Variants in IGF2BP3 observed in about 807,000 individuals in gnomAD.
The protein encoded by IGF2BP3 is insulin-like growth factor 2 mRNA-binding protein 3.
In IGF2BP3, 9 loss-of-function variants were observed where a neutral mutation model predicts 73.8. That is an observed-to-expected ratio of 0.12 (90% CI 0.07 to 0.21). IGF2BP3 has a LOEUF of 0.21. IGF2BP3 is among the 10% of genes least tolerant of loss of function. IGF2BP3 has a pLI of 1.00. For missense variants in IGF2BP3, 542 were observed against 714.0 expected, an observed-to-expected ratio of 0.76 and a Z score of 2.75; for synonymous variants, 258 against 256.7, an observed-to-expected ratio of 1.01 and a Z score of -0.05.
At chr7:23,399,372 T>TA (rs1476292908) in intron 3 of IGF2BP3, among the ~76,000 whole-genome samples, 1 of 149,034 alleles carries the variant, frequency 6.7e-6, no homozygotes, top group Non-Finnish European at 1.5e-5. Flanking sequence ...ACATGTACCC[T>TA]AAAACTTAAA....
intron 5 of IGF2BP3, among the ~76,000 whole-genome samples, chr7:23,355,653 C>T (rs1008991102): frequency 1.4e-4 from 21 of 152,026 alleles, no homozygotes; most frequent in African/African-American, 5.1e-4. Flanking sequence ...TTTACTGGGG[C>T]CAGGTGCAGT....
intron 10 of IGF2BP3, among the ~76,000 whole-genome samples, chr7:23,330,065 T>C (rs1024953308): frequency 6.6e-5 from 10 of 152,074 alleles, no homozygotes; most frequent in Admixed American, 5.2e-4. Flanking sequence ...GGTGGGCAGA[T>C]CACAAGGTCA....
intron 11 of IGF2BP3, 74 bp downstream of exon 11, chr7:23,319,064 A>T: frequency 1.0e-6 from 1 of 957,336 alleles, no homozygotes; most frequent in East Asian, 2.4e-5. Context: ...TATTCAAATT[A>T]TAAAGTGGCA....
At chr7:23,337,511 G>A (rs978252718) in intron 10 of IGF2BP3, among the ~76,000 whole-genome samples, 4 of 152,180 alleles carry the variant, frequency 2.6e-5, no homozygotes, top group Non-Finnish European at 5.9e-5. Context: ...TCCCCAACAT[G>A]TATTTTCCTT....
At chr7:23,450,684 T>G (rs1358243741) in intron 2 of IGF2BP3, 1 of 152,192 alleles carries the variant, frequency 6.6e-6, no homozygotes, top group Non-Finnish European at 1.5e-5. Context: ...TTAGAATTTG[T>G]CCAGCAGGTG....
chr7:23,312,567 GATAC>G, intron 14 of IGF2BP3, 107 bp from the exon 15 acceptor site: 1 of 952,672 alleles, frequency 1.0e-6, no homozygotes, highest in Non-Finnish European at 1.7e-6. Flanking sequence ...GATGATTAAA[GATAC>G]ATACTAGTCA....
intron 10 of IGF2BP3, among the ~76,000 whole-genome samples, chr7:23,324,540 A>G (rs1784240913): frequency 9.7e-6 from 1 of 102,732 alleles, no homozygotes; most frequent in Non-Finnish European, 1.9e-5. Context: ...CAATCAATAG[A>G]AAAAGAGGGA....
intron 2 of IGF2BP3, among the ~76,000 whole-genome samples, chr7:23,431,587 C>G (rs541592287): frequency 1.1e-4 from 17 of 150,296 alleles, no homozygotes; most frequent in Non-Finnish European, 2.4e-4. Flanking sequence ...CTTCCTGCAA[C>G]AGTTAAAAAG....
At chr7:23,336,272 C>T in intron 10 of IGF2BP3, among the ~76,000 whole-genome samples, 1 of 152,088 alleles carries the variant, frequency 6.6e-6, no homozygotes, top group Non-Finnish European at 1.5e-5. Flanking sequence ...AGCAGAAGTT[C>T]ACTGTTAACC....
chr7:23,331,985 G>GGA (rs1016971197), intron 10 of IGF2BP3, among the ~76,000 whole-genome samples: 25 of 151,818 alleles, frequency 1.6e-4, no homozygotes, highest in Non-Finnish European at 1.2e-4. Context: ...GCGGCAGGAG[G>GGA]GAGAGAGAGA....
chr7:23,360,562 T>C (rs1435239786), intron 5 of IGF2BP3, among the ~76,000 whole-genome samples: 1 of 152,234 alleles, frequency 6.6e-6, no homozygotes, highest in African/African-American at 2.4e-5. Flanking sequence ...GTGTTATTGA[T>C]TTTACAAATA....
intron 2 of IGF2BP3, among the ~76,000 whole-genome samples, chr7:23,450,886 A>T (rs980344640): frequency 6.6e-6 from 1 of 152,204 alleles, no homozygotes; most frequent in African/African-American, 2.4e-5. Flanking sequence ...ATTTAAATTT[A>T]AAAAGGAATT....
intron 2 of IGF2BP3, among the ~76,000 whole-genome samples, chr7:23,454,184 T>G (rs1350647820): frequency 6.6e-6 from 1 of 152,174 alleles, no homozygotes; most frequent in Non-Finnish European, 1.5e-5. Context: ...CTTCTCATCC[T>G]TCGTTCATTT....
At chr7:23,414,806 G>A (rs115685907) in intron 3 of IGF2BP3, 2,546 of 177,156 alleles carry the variant, frequency 0.014, 59 homozygotes, top group African/African-American at 0.058. Flanking sequence ...CTGTCAGTCG[G>A]CATCCCCACA....
chr7:23,324,304 T>C (rs1019070342), intron 10 of IGF2BP3, among the ~76,000 whole-genome samples: 13 of 151,408 alleles, frequency 8.6e-5, no homozygotes, highest in Admixed American at 8.6e-4. Flanking sequence ...TCTACGCAAA[T>C]AAACTAGAAA....
chr7:23,418,217 A>G (rs2128535244), intron 3 of IGF2BP3, among the ~76,000 whole-genome samples: 1 of 152,276 alleles, frequency 6.6e-6, no homozygotes, highest in South Asian at 2.1e-4. Context: ...GAAGAGTCAA[A>G]AGACATTTTC....
intron 5 of IGF2BP3, among the ~76,000 whole-genome samples, chr7:23,352,900 TTC>T (rs1017603274): frequency 2.2e-4 from 34 of 152,154 alleles, no homozygotes; most frequent in African/African-American, 8.0e-4. Context: ...AATTGTTGTG[TTC>T]TGTTTTCTGG....
chr7:23,368,008 C>CA lies in IGF2BP3; in HGVS notation c.286-6268dup, dbSNP rs140853211. On this transcript the variant is annotated intron_variant, in intron 3 of 14. Transcript: ENST00000258729. ...GATAGAGACTCCATCTATTTAAAAA[C>CA]AAAAAAAAACAAAAAAACAAAGTTC... Among the ~76,000 whole-genome samples the CA allele has an allele frequency of 9.3e-3, 1,387 of 148,760 alleles. 25 individuals are homozygous for CA. The highest frequency in any genetic ancestry group is 0.03 in the African/African-American group (1,219 of 40,630).
chr7:23,425,236 AAG>A (rs1787475446), intron 2 of IGF2BP3, among the ~76,000 whole-genome samples: 1 of 152,252 alleles, frequency 6.6e-6, no homozygotes, highest in African/African-American at 2.4e-5. Flanking sequence ...TATTTAATAC[AAG>A]AGTTTCCCCT....
Sources: allele counts gnomAD v4.1 joint callset (sites outside exome capture counted in the v4.1 genomes callset), GRCh38; gene constraint gnomAD v4.1.1; transcripts MANE v1.5; gene names NCBI Gene and HGNC (gene_info 2026-07-23, HGNC 2026-07-21).